The following CSMD1 variants were observed in gnomAD, a reference collection of about 807,000 sequenced individuals.
CSMD1 encodes the protein CUB and sushi domain-containing protein 1.
CSMD1 carries 213 observed loss-of-function variants against 417.5 expected under a neutral mutation model. The observed-to-expected ratio is 0.51, with a 90% confidence interval of 0.46 to 0.57. CSMD1 has a LOEUF of 0.57. Among genes scored for constraint, CSMD1 ranks in the 20% least tolerant of loss-of-function variants. The probability of loss-of-function intolerance (pLI) is 0.00; values close to 1 mark genes in which losing one functional copy is unlikely to be tolerated. For synonymous variants in CSMD1, 2,862 were observed against 1,736.8 expected (o/e 1.65, Z -16.11); for missense variants, 6,923 against 4,529.7 (o/e 1.53, Z -15.17).
At chr8:4,305,904 G>C (rs1176546930) in intron 3 of CSMD1, among the ~76,000 whole-genome samples, 6 of 152,134 alleles carry the variant, frequency 3.9e-5, no homozygotes, top group Non-Finnish European at 7.4e-5. Flanking sequence ...TCAAGCATCA[G>C]AATGTTTACC....
At chr8:3,778,469 G>C (rs953233550) in intron 5 of CSMD1, among the ~76,000 whole-genome samples, 1 of 152,178 alleles carries the variant, frequency 6.6e-6, no homozygotes, top group African/African-American at 2.4e-5. Flanking sequence ...CGCCTTACAA[G>C]GGTTCCTGTC....
intron 12 of CSMD1, among the ~76,000 whole-genome samples, chr8:3,462,211 G>A (rs1816548643): frequency 6.6e-6 from 1 of 152,086 alleles, no homozygotes; most frequent in Non-Finnish European, 1.5e-5. Flanking sequence ...CCTCCCTGGG[G>A]GCCACCCATG....
At chr8:4,903,173 C>T (rs907706278) in intron 1 of CSMD1, among the ~76,000 whole-genome samples, 8 of 152,194 alleles carry the variant, frequency 5.3e-5, no homozygotes, top group African/African-American at 1.7e-4. Context: ...ATGCAATCTT[C>T]CCACAGGAAC....
chr8:3,638,230 T>C (rs1050655284), intron 7 of CSMD1, among the ~76,000 whole-genome samples: 9 of 152,088 alleles, frequency 5.9e-5, no homozygotes, highest in Non-Finnish European at 1.2e-4. Flanking sequence ...CTTTAAAACA[T>C]TGGTAGAAAA....
chr8:3,084,083 G>C (rs1319810216), intron 49 of CSMD1, among the ~76,000 whole-genome samples: 1 of 152,272 alleles, frequency 6.6e-6, no homozygotes, highest in South Asian at 2.1e-4. Flanking sequence ...ATCTGTGAGT[G>C]GATGGGAGAA....
chr8:2,991,921 G>A (rs924836134), intron 54 of CSMD1, among the ~76,000 whole-genome samples: 6 of 152,132 alleles, frequency 3.9e-5, no homozygotes, highest in East Asian at 1.9e-4. Flanking sequence ...ACTACACAGC[G>A]AAAACCTGAC....
rs78766265 is a variant in CSMD1, at chr8:3,788,074, G to A, written c.819-34032C>T. 7.7e-3 allele frequency among the ~76,000 whole-genome samples: 1,172 copies of A among 152,260 alleles called. 17 individuals are homozygous for A. Among genetic ancestry groups the A allele is most frequent in the African/African-American group, 0.027 (1,135 of 41,550 alleles). Reference sequence around the variant, plus strand: ...GGCTCAAAAAGCCTCTCCATCCAGTGAGTGTTCTTTGGGAAGACTTGCAAC... The same window carrying A: ...GGCTCAAAAAGCCTCTCCATCCAGTAAGTGTTCTTTGGGAAGACTTGCAAC... On this transcript the variant is annotated intron_variant, in intron 5 of 69. Coordinates refer to ENST00000635120, the MANE Select transcript of CSMD1 (RefSeq NM_033225.6).
chr8:3,440,916 C>A (rs1436579998), intron 12 of CSMD1, among the ~76,000 whole-genome samples: 1 of 152,196 alleles, frequency 6.6e-6, no homozygotes, highest in Non-Finnish European at 1.5e-5. Context: ...ATGTCCACTC[C>A]CTTGTCCCCA....
At chr8:3,112,182 T>C (rs7812807) in intron 42 of CSMD1, among the ~76,000 whole-genome samples, 5,309 of 151,994 alleles carry the variant, frequency 0.035, 305 homozygotes, top group African/African-American at 0.12. Flanking sequence ...CAGGTCATGA[T>C]AAACAAATTG....
At chr8:3,712,582 A>G (rs75338308) in intron 6 of CSMD1, among the ~76,000 whole-genome samples, 6,613 of 152,284 alleles carry the variant, frequency 0.043, 214 homozygotes, top group South Asian at 0.072. Flanking sequence ...AATGATAAAA[A>G]TATTTCGTGA....
At chr8:3,891,586 G>C (rs931514711) in intron 5 of CSMD1, among the ~76,000 whole-genome samples, 5 of 152,060 alleles carry the variant, frequency 3.3e-5, no homozygotes, top group Non-Finnish European at 2.9e-5. Context: ...GGGAGGCTGA[G>C]ATGCGAGGAT....
chr8:4,332,993 A>G (rs926049187), intron 3 of CSMD1, among the ~76,000 whole-genome samples: 1 of 151,880 alleles, frequency 6.6e-6, no homozygotes, highest in Non-Finnish European at 1.5e-5. Context: ...GGTAAACGTC[A>G]TATGAAAGAG....
chr8:4,097,582 G>A (rs1333705685), intron 3 of CSMD1, among the ~76,000 whole-genome samples: 1 of 152,166 alleles, frequency 6.6e-6, no homozygotes, highest in Admixed American at 6.5e-5. Context: ...TATGATTCTA[G>A]TAACACCCAG....
chr8:4,689,292 T>C (rs950412458), intron 1 of CSMD1, among the ~76,000 whole-genome samples: 2 of 152,178 alleles, frequency 1.3e-5, no homozygotes, highest in Non-Finnish European at 2.9e-5. Flanking sequence ...TTTGGATATG[T>C]AGGAAGGTAT....
At chr8:3,594,529 G>A (rs766653893) in intron 8 of CSMD1, among the ~76,000 whole-genome samples, 1 of 152,112 alleles carries the variant, frequency 6.6e-6, no homozygotes, top group Non-Finnish European at 1.5e-5. Context: ...GTTTGTCCAG[G>A]AATGTTTTTC....
In CSMD1 at chr8:3,018,547, C is replaced by T. The variant is rs764172416; in HGVS notation, c.7959G>A (p.Thr2653=). ...ACTCTCTGACATGAGACCCCACAAG[C>T]GTGTAGCCGGTGTTGCACGTAAATA... ...TAIFTCNTGY[T]LVGSHVRECL... Residue 2653 remains threonine, a synonymous_variant, in exon 52 of 70, where the codon ACG becomes ACA. Transcript: ENST00000635120. 18 of 1,613,632 alleles carry T rather than the reference C, an allele frequency of 1.1e-5. No individual in the cohort carries two copies. Among genetic ancestry groups the T allele is most frequent in the Middle Eastern group, 1.6e-4 (1 of 6,082 alleles).
chr8:3,956,923 T>G (rs1349798826), intron 5 of CSMD1, among the ~76,000 whole-genome samples: 1 of 152,218 alleles, frequency 6.6e-6, no homozygotes, highest in South Asian at 2.1e-4. Flanking sequence ...CTAAAGGCTA[T>G]TTTCATATCT....
intron 17 of CSMD1, 113 bp from the exon 18 acceptor site, chr8:3,387,795 T>C (rs1811103821): frequency 3.5e-6 from 3 of 852,168 alleles, no homozygotes; most frequent in Non-Finnish European, 3.6e-6. Context: ...ACCTGAAACA[T>C]TATGCAAGTG....
intron 7 of CSMD1, among the ~76,000 whole-genome samples, chr8:3,670,328 C>A (rs928202050): frequency 6.6e-6 from 1 of 151,884 alleles, no homozygotes. Context: ...GCATCAGACT[C>A]CAAGTTCTTC....
Sources: gnomAD v4.1 joint callset for allele counts (sites outside exome capture counted in the v4.1 genomes callset) on GRCh38, gnomAD v4.1.1 for gene constraint, MANE v1.5 for transcripts, NCBI Gene and HGNC (gene_info 2026-07-23, HGNC 2026-07-21) for gene names.